COG5: variants seen among roughly 807,000 people sequenced by gnomAD.
COG5 encodes the protein component of oligomeric golgi complex 5.
COG5 carries 86 observed loss-of-function variants against 110.4 expected under a neutral mutation model. That is an observed-to-expected ratio of 0.78 (90% CI 0.65 to 0.93). The LOEUF (loss-of-function observed/expected upper bound fraction) is 0.93. Among genes scored for constraint, COG5 ranks in the 40% least tolerant of loss-of-function variants. The probability of loss-of-function intolerance (pLI) is 0.00; values close to 1 mark genes in which losing one functional copy is unlikely to be tolerated. For missense variants in COG5, 1,077 were observed against 987.0 expected (o/e 1.09, Z -1.22); for synonymous variants, 360 against 334.6 (o/e 1.08, Z -0.83).
At chr7:107,515,314 C>T (rs73187396) in intron 6 of COG5, among the ~76,000 whole-genome samples, 3,654 of 151,898 alleles carry the variant, frequency 0.024, 63 homozygotes, top group Non-Finnish European at 0.035. Flanking sequence ...AAAAATCTTG[C>T]TAGATATATA....
At chr7:107,363,718 A>G (rs2129046797) in intron 8 of COG5, among the ~76,000 whole-genome samples, 1 of 152,242 alleles carries the variant, frequency 6.6e-6, no homozygotes, top group South Asian at 2.1e-4. Flanking sequence ...GAACTTTGAG[A>G]GGCCAAGGTG....
intron 5 of COG5, among the ~76,000 whole-genome samples, chr7:107,535,698 A>G (rs990189697): frequency 1.3e-5 from 2 of 152,190 alleles, no homozygotes; most frequent in Admixed American, 6.5e-5. Flanking sequence ...CCAGGACCAG[A>G]CAGATCAACA....
intron 3 of COG5, among the ~76,000 whole-genome samples, chr7:107,551,714 C>A (rs536158679): frequency 1.7e-4 from 26 of 152,126 alleles, no homozygotes; most frequent in African/African-American, 6.0e-4. Flanking sequence ...ACCTCCTTGG[C>A]TCAAGCGATC....
At chr7:107,499,259 T>G (rs10243682) in intron 6 of COG5, among the ~76,000 whole-genome samples, 2 of 152,136 alleles carry the variant, frequency 1.3e-5, no homozygotes. Flanking sequence ...CAATACCATA[T>G]TATACATTTA....
intron 6 of COG5, among the ~76,000 whole-genome samples, chr7:107,463,241 C>T (rs1221263453): frequency 1.3e-5 from 2 of 152,206 alleles, no homozygotes; most frequent in East Asian, 3.8e-4. Flanking sequence ...GATACTAAGG[C>T]CAGGTCAGCT....
intron 12 of COG5, among the ~76,000 whole-genome samples, chr7:107,288,905 GAGATATATATATATATATATATATAT>G (rs1245529414): frequency 4.9e-4 from 33 of 67,292 alleles, no homozygotes; most frequent in African/African-American, 1.5e-3. Flanking sequence ...TTTTCTAACA[GAGATATATATATATATATATATATAT>G]ATATATATAT....
chr7:107,514,943 TGTC>T (rs1214546683), intron 6 of COG5, among the ~76,000 whole-genome samples: 1 of 152,178 alleles, frequency 6.6e-6, no homozygotes, highest in Non-Finnish European at 1.5e-5. Flanking sequence ...ATATTGTTGT[TGTC>T]ATTATCAGTT....
intron 12 of COG5, among the ~76,000 whole-genome samples, chr7:107,284,223 C>T (rs1169182344): frequency 6.6e-6 from 1 of 152,156 alleles, no homozygotes; most frequent in African/African-American, 2.4e-5. Flanking sequence ...CGTGCCCGGC[C>T]TATATTAACA....
chr7:107,548,562 C>T (rs1395972798), intron 3 of COG5, among the ~76,000 whole-genome samples: 1 of 152,126 alleles, frequency 6.6e-6, no homozygotes, highest in African/African-American at 2.4e-5. Flanking sequence ...GAACTGACTG[C>T]TTAATGGATA....
rs112538375 is a variant in COG5 at position 107,391,819 on chromosome 7, G to A, written c.670-19059C>T. ...TTAATAAACCTTATTGGTCAGGTGC[G>A]TGTGGCTCAAGCCTGTAATCGTAGC... is the stretch of plus-strand genomic sequence containing the variant. On this transcript the variant is annotated intron_variant, in intron 7 of 21. Coordinates refer to ENST00000297135, the MANE Select transcript of COG5 (RefSeq NM_006348.5). Among the ~76,000 whole-genome samples, 935 of 152,176 alleles carry A rather than the reference G, an allele frequency of 6.1e-3. 3 individuals carry two copies. Among genetic ancestry groups the A allele is most frequent in the Non-Finnish European group, 9.7e-3 (657 of 67,978 alleles).
intron 7 of COG5, among the ~76,000 whole-genome samples, chr7:107,392,374 T>C (rs1210510106): frequency 3.3e-5 from 5 of 152,162 alleles, no homozygotes; most frequent in African/African-American, 1.2e-4. Context: ...ATGTTCAACA[T>C]AGTTGCTATC....
At chr7:107,488,443 T>C (rs1157816255) in intron 6 of COG5, among the ~76,000 whole-genome samples, 1 of 152,214 alleles carries the variant, frequency 6.6e-6, no homozygotes, top group Non-Finnish European at 1.5e-5. Context: ...CTTTCTGTTA[T>C]CTTTTATTTA....
intron 5 of COG5, among the ~76,000 whole-genome samples, chr7:107,528,582 G>A (rs1161024752): frequency 2.0e-5 from 3 of 152,132 alleles, no homozygotes; most frequent in African/African-American, 7.2e-5. Flanking sequence ...ATGAGGGAGA[G>A]TGTGGTAGAG....
intron 6 of COG5, among the ~76,000 whole-genome samples, chr7:107,506,119 A>T (rs903179968): frequency 5.3e-5 from 8 of 152,168 alleles, no homozygotes; most frequent in African/African-American, 1.9e-4. Flanking sequence ...AGGGTAGTAG[A>T]GGCAATGGTG....
intron 6 of COG5, among the ~76,000 whole-genome samples, chr7:107,478,690 A>T (rs1414616123): frequency 6.6e-6 from 1 of 152,036 alleles, no homozygotes; most frequent in Non-Finnish European, 1.5e-5. Flanking sequence ...AGGGTTCAAT[A>T]CTATCCATAG....
intron 11 of COG5, among the ~76,000 whole-genome samples, chr7:107,304,965 A>C (rs1211296767): frequency 6.6e-6 from 1 of 152,234 alleles, no homozygotes; most frequent in Non-Finnish European, 1.5e-5. Flanking sequence ...TATAGAGATT[A>C]TACTCGAGTG....
At chr7:107,419,182 C>A (rs911202890) in intron 6 of COG5, among the ~76,000 whole-genome samples, 5 of 151,998 alleles carry the variant, frequency 3.3e-5, no homozygotes, top group Admixed American at 6.6e-5. Flanking sequence ...AATTATAAGG[C>A]AAAAATTTTA....
chr7:107,324,490 C>T lies in COG5; in HGVS notation c.1058G>A (p.Trp353Ter), dbSNP rs1809591150. The T allele has an allele frequency of 1.2e-6, 2 of 1,605,116 alleles. No homozygotes were observed. The highest frequency in any genetic ancestry group is 1.7e-6 in the Non-Finnish European group (2 of 1,175,270). Reference sequence around the variant, plus strand: ...AGAAAGTGCCTGAGTAACTGAATTCCAAAATGTGTAGAAAATTTCCGGTTG... The same window carrying T: ...AGAAAGTGCCTGAGTAACTGAATTCTAAAATGTGTAGAAAATTTCCGGTTG... ...DGQPEIFYTF[W>*]NSVTQALSSQ... Residue 353 changes from tryptophan (W) to a stop codon, truncating the protein, a stop_gained, in exon 11 of 22, where the codon TGG (tryptophan) becomes TAG (stop). Transcript: ENST00000297135. LOFTEE classifies it high-confidence loss of function.
intron 6 of COG5, among the ~76,000 whole-genome samples, chr7:107,413,777 G>A (rs1391079147): frequency 2.0e-5 from 3 of 152,132 alleles, no homozygotes; most frequent in Admixed American, 2.0e-4. Flanking sequence ...CATTTTTGAA[G>A]ATATAGCATG....
Sources: allele counts gnomAD v4.1 joint callset (sites outside exome capture counted in the v4.1 genomes callset), GRCh38; gene constraint gnomAD v4.1.1; transcripts MANE v1.5; gene names NCBI Gene and HGNC (gene_info 2026-07-23, HGNC 2026-07-21).